Variants in ANXA11 observed in about 807,000 individuals in gnomAD.
ANXA11 encodes 56 kDa autoantigen.
A neutral mutation model predicts 64.7 loss-of-function variants in ANXA11; 57 were observed. The observed-to-expected ratio is 0.88, with a 90% CI of 0.71 to 1.10. The LOEUF (loss-of-function observed/expected upper bound fraction) is 1.10. Among genes scored for constraint, ANXA11 ranks in the 50% least tolerant of loss-of-function variants. The pLI, the probability that ANXA11 is intolerant of heterozygous loss-of-function variation, is 0.00. For missense variants in ANXA11, 675 were observed against 670.7 expected, an observed-to-expected ratio of 1.01 and a Z score of -0.07; for synonymous variants, 260 against 265.2, an observed-to-expected ratio of 0.98 and a Z score of 0.19.
At chr10:80,176,981 C>T (rs1402513641) in intron 1 of ANXA11, among the ~76,000 whole-genome samples, 1 of 140,222 alleles carries the variant, frequency 7.1e-6, no homozygotes. Flanking sequence ...CTGCTCCCCA[C>T]TTTTTTTTTT....
chr10:80,173,128 C>G (rs1324670078), intron 2 of ANXA11: 1 of 472,154 alleles, frequency 2.1e-6, no homozygotes, highest in Non-Finnish European at 3.8e-6. Flanking sequence ...GGATTCACTC[C>G]CCATGAGCCA....
At chr10:80,192,521 T>G (rs1395292906) in intron 1 of ANXA11, among the ~76,000 whole-genome samples, 1 of 152,088 alleles carries the variant, frequency 6.6e-6, no homozygotes, top group Non-Finnish European at 1.5e-5. Flanking sequence ...GACAAAAATA[T>G]AATCAATAAT....
intron 11 of ANXA11, 125 bp downstream of exon 11, chr10:80,163,224 T>G: frequency 9.3e-7 from 1 of 1,080,298 alleles, no homozygotes; most frequent in Admixed American, 2.0e-5. Context: ...CGTCTGAAAC[T>G]CACAGCATCT....
chr10:80,168,955 G>T lies in ANXA11; in HGVS notation c.561+14C>A. On this transcript the variant is annotated intron_variant, in intron 5 of 15. Coordinates refer to ENST00000422982, the MANE Select transcript of ANXA11 (RefSeq NM_145868.2). The stretch of plus-strand genomic sequence containing the variant: ...CCAGGCCTGGACCAAGGGAGGCAGT[G>T]GGCTGACACTCACCTGGGTTGGGGG... 1 of 1,512,134 alleles carries T rather than the reference G, an allele frequency of 6.6e-7. No individual in the cohort carries two copies. Among genetic ancestry groups the T allele is most frequent in the Non-Finnish European group, 8.8e-7 (1 of 1,135,172 alleles). 93.7% of individuals were successfully genotyped at this position (1,512,134 alleles called of 1,614,324 possible).
intron 7 of ANXA11, 96 bp downstream of exon 7, chr10:80,166,794 G>A: frequency 1.1e-6 from 1 of 947,116 alleles, no homozygotes; most frequent in Non-Finnish European, 1.6e-6. Flanking sequence ...GTCCATCCGG[G>A]AGATCCGGGC....
intron 10 of ANXA11, 30 bp from the exon 11 acceptor site, chr10:80,163,435 C>T (rs1845595252): frequency 1.2e-6 from 2 of 1,613,952 alleles, no homozygotes; most frequent in Non-Finnish European, 1.7e-6. Flanking sequence ...TGGTCATGCC[C>T]ACTCCTTCCC....
intron 1 of ANXA11, chr10:80,181,563 C>T (rs937425287): frequency 1.3e-5 from 2 of 152,078 alleles, no homozygotes; most frequent in Admixed American, 6.5e-5. Flanking sequence ...GATAAAGGGA[C>T]TATTATCCAA....
intron 1 of ANXA11, among the ~76,000 whole-genome samples, chr10:80,194,750 A>G (rs1422543205): frequency 6.6e-6 from 1 of 152,138 alleles, no homozygotes; most frequent in Non-Finnish European, 1.5e-5. Context: ...GCATTATTTC[A>G]TTGGAGGGAG....
At chr10:80,158,497 C>G (rs1454158092) in intron 13 of ANXA11, among the ~76,000 whole-genome samples, 2 of 152,142 alleles carry the variant, frequency 1.3e-5, no homozygotes, top group Non-Finnish European at 2.9e-5. Context: ...TTTTCCATCT[C>G]TCCCATCCAG....
intron 4 of ANXA11, among the ~76,000 whole-genome samples, chr10:80,169,997 C>G (rs764596709): frequency 5.9e-5 from 9 of 152,160 alleles, no homozygotes; most frequent in Non-Finnish European, 8.8e-5. Context: ...TTTGCTCACA[C>G]ATCCTCTTTT....
At chr10:80,184,453 T>G (rs1034663219) in intron 1 of ANXA11, among the ~76,000 whole-genome samples, 1 of 152,152 alleles carries the variant, frequency 6.6e-6, no homozygotes, top group African/African-American at 2.4e-5. Flanking sequence ...GCTGGTTACA[T>G]CCCTTCTGAA....
chr10:80,165,941 C>A (rs1845700860), intron 8 of ANXA11, 143 bp downstream of exon 8: 1 of 483,458 alleles, frequency 2.1e-6, no homozygotes, highest in Admixed American at 3.9e-5. Context: ...GGGAGCCATA[C>A]TGACAACAGC....
At chr10:80,190,517 G>T (rs138251193) in intron 1 of ANXA11, among the ~76,000 whole-genome samples, 4 of 122,368 alleles carry the variant, frequency 3.3e-5, no homozygotes, top group Non-Finnish European at 6.4e-5. Flanking sequence ...ACGGAGTCTC[G>T]CTCTTTTGCC....
At chr10:80,187,545 GCACACACA>G (rs773152656) in intron 1 of ANXA11, among the ~76,000 whole-genome samples, 19 of 150,626 alleles carry the variant, frequency 1.3e-4, no homozygotes, top group African/African-American at 3.9e-4. Context: ...GTGCGCGCGT[GCACACACA>G]CACACACACA....
intron 1 of ANXA11, among the ~76,000 whole-genome samples, chr10:80,188,490 T>C (rs1297856620): frequency 1.3e-5 from 1 of 75,488 alleles, no homozygotes; most frequent in African/African-American, 6.1e-5. Context: ...CATATATATA[T>C]ATATATATAT....
intron 8 of ANXA11, 80 bp downstream of exon 8, chr10:80,166,004 G>A (rs1271207213): frequency 6.8e-6 from 6 of 877,082 alleles, no homozygotes; most frequent in Non-Finnish European, 9.0e-6. Context: ...CTTCTGGGCT[G>A]TGTGTCCACA....
At chr10:80,183,832 C>T (rs1281047269) in intron 1 of ANXA11, among the ~76,000 whole-genome samples, 1 of 152,216 alleles carries the variant, frequency 6.6e-6, no homozygotes, top group Admixed American at 6.5e-5. Context: ...TGCATCAGCT[C>T]ACAGTTCCCC....
At chr10:80,200,678 T>C (rs1840381651) in intron 1 of ANXA11, among the ~76,000 whole-genome samples, 1 of 152,216 alleles carries the variant, frequency 6.6e-6, no homozygotes, top group Non-Finnish European at 1.5e-5. Context: ...AGAGGACCTA[T>C]TTTCTCCTTT....
At chr10:80,157,910 TC>T (rs1845340036) in intron 14 of ANXA11, 56 bp downstream of exon 14, 2 of 1,604,178 alleles carry the variant, frequency 1.2e-6, no homozygotes, top group East Asian at 4.5e-5. Context: ...CAGCCCTTGG[TC>T]CCAGGCACAG....
Sources: allele counts gnomAD v4.1 joint callset (sites outside exome capture counted in the v4.1 genomes callset), GRCh38; gene constraint gnomAD v4.1.1; transcripts MANE v1.5; gene names NCBI Gene and HGNC (gene_info 2026-07-23, HGNC 2026-07-21).